Variants in DPYD observed in about 807,000 individuals in gnomAD.
The protein encoded by DPYD is dihydropyrimidine dehydrogenase, also known as dihydropyrimidine dehydrogenase [NADP(+)].
In DPYD, 109 loss-of-function variants were observed where a neutral mutation model predicts 116.2. The ratio of observed to expected loss-of-function variants is 0.94; its 90% CI spans 0.80 to 1.10. The LOEUF (loss-of-function observed/expected upper bound fraction) is 1.10. Among genes scored for constraint, DPYD ranks in the 50% least tolerant of loss-of-function variants. The pLI, the probability that DPYD is intolerant of heterozygous loss-of-function variation, is 0.00. For missense variants in DPYD, 1,302 were observed against 1,254.5 expected, an observed-to-expected ratio of 1.04 and a Z score of -0.57; for synonymous variants, 440 against 432.0, an observed-to-expected ratio of 1.02 and a Z score of -0.23.
In DPYD at chr1:97,429,911, A is replaced by T. The variant is rs188730020; in HGVS notation, c.1905+20148T>A. Among the ~76,000 whole-genome samples the T allele has an allele frequency of 9.9e-5, 15 of 152,238 alleles. No homozygotes were observed. In the East Asian group the frequency reaches 2.9e-3, roughly 29 times the overall value. ...GGGGGGGTAATCAATAATCAAAATC[A>T]TATTTAAGAAAAGAAGTATGATATG... is the stretch of plus-strand genomic sequence containing the variant. On this transcript the variant is annotated intron_variant, in intron 14 of 22. Coordinates refer to ENST00000370192, the MANE Select transcript of DPYD (RefSeq NM_000110.4).
chr1:97,884,118 A>T (rs989488039), intron 1 of DPYD, among the ~76,000 whole-genome samples: 1 of 152,026 alleles, frequency 6.6e-6, no homozygotes, highest in East Asian at 1.9e-4. Flanking sequence ...CATGGCTCTC[A>T]AACAGCTTAC....
At chr1:97,358,850 G>A (rs1389883486) in intron 16 of DPYD, among the ~76,000 whole-genome samples, 1 of 152,086 alleles carries the variant, frequency 6.6e-6, no homozygotes, top group African/African-American at 2.4e-5. Context: ...CACAAAGATG[G>A]GGAGAAACCA....
chr1:97,719,239 C>T (rs1662789940), intron 5 of DPYD, among the ~76,000 whole-genome samples: 1 of 149,584 alleles, frequency 6.7e-6, no homozygotes. Context: ...GTGATTTATT[C>T]CTTTTCCACT....
intron 5 of DPYD, among the ~76,000 whole-genome samples, chr1:97,712,334 T>C (rs1192229061): frequency 2.0e-5 from 3 of 152,198 alleles, no homozygotes; most frequent in East Asian, 1.9e-4. Context: ...TATGCCTCTA[T>C]CCAGCCCAAA....
intron 8 of DPYD, among the ~76,000 whole-genome samples, chr1:97,651,901 G>C (rs899666199): frequency 2.0e-5 from 3 of 151,894 alleles, no homozygotes; most frequent in Non-Finnish European, 4.4e-5. Flanking sequence ...TTTTAATTTA[G>C]CTTAAGCTAT....
chr1:97,717,174 G>C (rs1431296455), intron 5 of DPYD, among the ~76,000 whole-genome samples: 1 of 152,094 alleles, frequency 6.6e-6, no homozygotes, highest in Non-Finnish European at 1.5e-5. Context: ...TAGTGTAACT[G>C]TAGTTAATTA....
At chr1:97,460,629 G>A (rs770723600) in intron 13 of DPYD, among the ~76,000 whole-genome samples, 2 of 152,126 alleles carry the variant, frequency 1.3e-5, no homozygotes, top group Non-Finnish European at 2.9e-5. Flanking sequence ...TGCAGGGAGA[G>A]GCCTTCTCAG....
chr1:97,850,065 CA>C (rs1242860672), intron 2 of DPYD, among the ~76,000 whole-genome samples: 13 of 152,108 alleles, frequency 8.5e-5, no homozygotes, highest in Non-Finnish European at 1.6e-4. Flanking sequence ...GAAGAAAGAG[CA>C]AATGCATTCA....
At chr1:97,127,902 G>A (rs968946406) in intron 20 of DPYD, among the ~76,000 whole-genome samples, 6 of 152,022 alleles carry the variant, frequency 3.9e-5, no homozygotes, top group Non-Finnish European at 8.8e-5. Context: ...TCCACACACG[G>A]TTCCATGTAC....
At chr1:97,457,727 T>G (rs1676765255) in intron 13 of DPYD, among the ~76,000 whole-genome samples, 1 of 152,072 alleles carries the variant, frequency 6.6e-6, no homozygotes. Flanking sequence ...AAACCGGAAA[T>G]GAGGATGGGA....
At chr1:97,693,290 C>CAAAAAAAAAAAAAA (rs201872835) in intron 6 of DPYD, among the ~76,000 whole-genome samples, 1 of 41,844 alleles carries the variant, frequency 2.4e-5, no homozygotes, top group Non-Finnish European at 4.1e-5. Flanking sequence ...GACTCCGTCT[C>CAAAAAAAAAAAAAA]AAAAAAAAAA....
intron 16 of DPYD, among the ~76,000 whole-genome samples, chr1:97,351,460 G>C (rs540548229): frequency 1.3e-4 from 20 of 152,032 alleles, no homozygotes; most frequent in South Asian, 8.3e-4. Context: ...CAGAATCAAA[G>C]TGGCAAGAAA....
intron 18 of DPYD, among the ~76,000 whole-genome samples, chr1:97,258,692 T>C (rs1037064631): frequency 6.6e-6 from 1 of 152,174 alleles, no homozygotes; most frequent in African/African-American, 2.4e-5. Flanking sequence ...TTCAGCATTC[T>C]GGACAGTTTC....
chr1:97,753,900 C>T (rs1431122002), intron 3 of DPYD, among the ~76,000 whole-genome samples: 1 of 151,818 alleles, frequency 6.6e-6, no homozygotes. Flanking sequence ...TGTCCCTATC[C>T]AGTATCTGGA....
chr1:97,885,644 AACTTACAAACAGCT>A (rs1672450028), intron 1 of DPYD, among the ~76,000 whole-genome samples: 1 of 152,100 alleles, frequency 6.6e-6, no homozygotes, highest in Non-Finnish European at 1.5e-5. Context: ...TATGTAACTT[AACTTACAAACAGCT>A]ACTACTCTCT....
Position 97,652,827 on chromosome 1 carries a change from C to T in DPYD, c.850+26268G>A, listed in dbSNP as rs549490063. 4.6e-5 allele frequency among the ~76,000 whole-genome samples: 7 copies of T among 152,150 alleles called. No homozygotes were observed. The South Asian group carries it at 1.5e-3, about 32-fold the overall frequency. ...AACTTCTTAACCTCGGGTATATGAC[C>T]CATAATTGTTTATTTGTCTCCTACC... On this transcript the variant is annotated intron_variant, in intron 8 of 22. Coordinates refer to ENST00000370192, the MANE Select transcript of DPYD (RefSeq NM_000110.4).
rs543635825 is a variant in DPYD at position 97,595,711 on chromosome 1, T to A, written c.851-545A>T. Among the ~76,000 whole-genome samples, 31 of 151,996 alleles carry A rather than the reference T, an allele frequency of 2.0e-4. 1 individual carries two copies. In the East Asian group the frequency reaches 3.9e-3, roughly 19 times the overall value. ...ATTATTAACCAAGAAGATGTTTTAA[T>A]AATTAAATGTCTTTACTGTATAAAT... On this transcript the variant is annotated intron_variant, in intron 8 of 22. Coordinates refer to ENST00000370192, the MANE Select transcript of DPYD (RefSeq NM_000110.4).
Position 97,530,342 on chromosome 1 carries a change from C to T in DPYD, c.1525-14401G>A, listed in dbSNP as rs367981034. ...ACGCCATTCTCCTGCCTCAACCTCC[C>T]GAGCAGCTGGGACTACAGGCGCCCA... is the stretch of plus-strand genomic sequence containing the variant. On this transcript the variant is annotated intron_variant, in intron 12 of 22. Transcript: ENST00000370192. 7.3e-5 allele frequency among the ~76,000 whole-genome samples: 11 copies of T among 151,674 alleles called. No individual in the cohort carries two copies. The East Asian group carries it at 7.8e-4, about 11-fold the overall frequency.
intron 18 of DPYD, among the ~76,000 whole-genome samples, chr1:97,237,820 A>C (rs1227510453): frequency 6.6e-6 from 1 of 152,188 alleles, no homozygotes; most frequent in Non-Finnish European, 1.5e-5. Context: ...CTTTGAAGTA[A>C]TAAAGAAATA....
Sources: gnomAD v4.1 joint callset for allele counts (sites outside exome capture counted in the v4.1 genomes callset) on GRCh38, gnomAD v4.1.1 for gene constraint, MANE v1.5 for transcripts, NCBI Gene and HGNC (gene_info 2026-07-23, HGNC 2026-07-21) for gene names.